Variants in GPHN observed in about 807,000 individuals in gnomAD.
GPHN encodes the protein gephyrin.
A neutral mutation model predicts 95.5 loss-of-function variants in GPHN; 17 were observed. The ratio of observed to expected loss-of-function variants is 0.18; its 90% CI spans 0.12 to 0.27. GPHN has a LOEUF of 0.27. Ranked by LOEUF, GPHN falls within the 10% of genes least tolerant of loss-of-function variation. The pLI is 1.00. For missense variants in GPHN, 660 were observed against 978.1 expected (o/e 0.67, Z 4.34); for synonymous variants, 320 against 322.5 (o/e 0.99, Z 0.08).
At chr14:67,345,111 G>A in the GPHN span, among the ~76,000 whole-genome samples, 1 of 151,254 alleles carries the variant, frequency 6.6e-6, no homozygotes, top group Admixed American at 6.6e-5. Flanking sequence ...GTGTGATGGG[G>A]CATGCCTATA....
chr14:67,700,511 C>A, the GPHN span, among the ~76,000 whole-genome samples: 1 of 149,758 alleles, frequency 6.7e-6, no homozygotes, highest in Non-Finnish European at 1.5e-5. Flanking sequence ...GTCAGGAGAT[C>A]GAGACCATCC....
At chr14:67,662,472 C>T in the GPHN span, 2 of 1,612,834 alleles carry the variant, frequency 1.2e-6, no homozygotes, top group South Asian at 1.1e-5. Flanking sequence ...GTTCCTTGTT[C>T]TCACCGTTTC....
the GPHN span, among the ~76,000 whole-genome samples, chr14:67,657,751 C>CTT: frequency 8.0e-4 from 92 of 115,114 alleles, no homozygotes; most frequent in African/African-American, 2.5e-3. Flanking sequence ...TTCTTTCTTT[C>CTT]TTTTTTTTTT....
chr14:66,517,808 C>T (rs1302219260), intron 1 of GPHN, among the ~76,000 whole-genome samples: 2 of 151,976 alleles, frequency 1.3e-5, no homozygotes, highest in Admixed American at 6.6e-5. Flanking sequence ...AATCAAAGAC[C>T]TACATGTAAG....
intron 9 of GPHN, among the ~76,000 whole-genome samples, chr14:66,978,019 T>C (rs140824719): frequency 1.3e-5 from 2 of 152,358 alleles, no homozygotes; most frequent in East Asian, 3.9e-4. Flanking sequence ...CCAGTACCTG[T>C]AAAAATTATG....
chr14:66,852,333 A>C (rs2062617228), intron 4 of GPHN, among the ~76,000 whole-genome samples: 1 of 152,224 alleles, frequency 6.6e-6, no homozygotes, highest in Admixed American at 6.5e-5. Flanking sequence ...CACTCATGGT[A>C]CATTTTGCCA....
At chr14:66,793,685 A>C (rs2060055356) in intron 3 of GPHN, among the ~76,000 whole-genome samples, 1 of 152,144 alleles carries the variant, frequency 6.6e-6, no homozygotes, top group Non-Finnish European at 1.5e-5. Context: ...AGAAGAGAGA[A>C]TAGAACTATT....
At chr14:67,674,569 C>G in the GPHN span, 1 of 1,267,030 alleles carries the variant, frequency 7.9e-7, no homozygotes, top group South Asian at 1.6e-5. Flanking sequence ...AGCCGCCCAG[C>G]CCAGTGGCCA....
chr14:66,562,179 T>G lies in GPHN; in HGVS notation c.64+53588T>G, dbSNP rs572724567. 5.3e-4 allele frequency among the ~76,000 whole-genome samples: 81 copies of G among 152,272 alleles called. 2 individuals carry two copies. In the South Asian group the frequency reaches 0.016, roughly 30 times the overall value. Reference sequence around the variant, plus strand: ...TCCTTTTTTCCTCCCTCTACTCTCCTAAGTTCTGTCTCTGGGGTCCTGTAA... The same window carrying G: ...TCCTTTTTTCCTCCCTCTACTCTCCGAAGTTCTGTCTCTGGGGTCCTGTAA... On this transcript the variant is annotated intron_variant, in intron 1 of 22. Transcript: ENST00000478722.
chr14:66,946,587 G>A (rs993403522), intron 8 of GPHN, among the ~76,000 whole-genome samples: 7 of 152,056 alleles, frequency 4.6e-5, no homozygotes, highest in African/African-American at 1.4e-4. Flanking sequence ...TGTATTATTA[G>A]TAGAGACGGG....
At chr14:66,660,430 T>C (rs964281056) in intron 1 of GPHN, among the ~76,000 whole-genome samples, 2 of 152,296 alleles carry the variant, frequency 1.3e-5, no homozygotes, top group African/African-American at 4.8e-5. Context: ...GTTCCAAGAG[T>C]TCTTATTTTT....
chr14:67,397,171 G>A, the GPHN span, among the ~76,000 whole-genome samples: 10 of 152,056 alleles, frequency 6.6e-5, no homozygotes, highest in South Asian at 2.1e-4. Context: ...ACTCCTCACC[G>A]CAAGCAATCT....
At chr14:67,318,209 G>A in the GPHN span, among the ~76,000 whole-genome samples, 1 of 152,100 alleles carries the variant, frequency 6.6e-6, no homozygotes, top group Non-Finnish European at 1.5e-5. Context: ...AGGCTTTTCT[G>A]TCAAGAATTT....
intron 9 of GPHN, among the ~76,000 whole-genome samples, chr14:66,994,843 T>G (rs1057455002): frequency 6.6e-6 from 1 of 152,218 alleles, no homozygotes; most frequent in Non-Finnish European, 1.5e-5. Flanking sequence ...GCTATGATAC[T>G]TTTTAGCACA....
chr14:66,971,352 C>G (rs1594678153), intron 9 of GPHN, among the ~76,000 whole-genome samples: 1 of 152,144 alleles, frequency 6.6e-6, no homozygotes, highest in East Asian at 1.9e-4. Context: ...ATAGTAAAGC[C>G]TTTACATGTT....
intron 3 of GPHN, among the ~76,000 whole-genome samples, chr14:66,810,001 A>G (rs2060696367): frequency 6.6e-6 from 1 of 152,080 alleles, no homozygotes; most frequent in South Asian, 2.1e-4. Flanking sequence ...CTCTTTGAAA[A>G]GATAGATTAA....
At chr14:66,607,835 T>A (rs1232603735) in intron 1 of GPHN, among the ~76,000 whole-genome samples, 2 of 152,050 alleles carry the variant, frequency 1.3e-5, no homozygotes, top group African/African-American at 4.8e-5. Flanking sequence ...GTGGGATCAG[T>A]TGTAATGTCA....
the GPHN span, chr14:67,279,687 T>C: frequency 1.4e-6 from 1 of 696,136 alleles, no homozygotes; most frequent in Non-Finnish European, 2.2e-6. Context: ...GGAAACGCCG[T>C]ATAACTATTG....
chr14:67,046,233 A>T (rs531413771), intron 10 of GPHN, among the ~76,000 whole-genome samples: 1 of 152,166 alleles, frequency 6.6e-6, no homozygotes, highest in African/African-American at 2.4e-5. Context: ...GAGCTCTTCA[A>T]TCTTGTTCCA....
Sources: allele counts gnomAD v4.1 joint callset (sites outside exome capture counted in the v4.1 genomes callset), GRCh38; gene constraint gnomAD v4.1.1; transcripts MANE v1.5; gene names NCBI Gene and HGNC (gene_info 2026-07-23, HGNC 2026-07-21).